Variants in GSTA1 observed in about 807,000 individuals in gnomAD.
GSTA1 encodes glutathione S-transferase alpha 1, also known as glutathione S-transferase A1.
Under a neutral mutation model 21.5 loss-of-function variants are expected in GSTA1, and 23 were observed. That is an observed-to-expected ratio of 1.07 (90% CI 0.77 to 1.52). The LOEUF (loss-of-function observed/expected upper bound fraction) is 1.52. GSTA1 is among the 40% of genes most tolerant of loss of function. GSTA1 has a pLI of 0.00. For missense variants in GSTA1, 301 were observed against 264.2 expected (o/e 1.14, Z -0.96); for synonymous variants, 125 against 90.0 (o/e 1.39, Z -2.20).
At position 52,794,266 on chromosome 6, in the gene GSTA1, C is replaced by T; in HGVS notation, c.273G>A (p.Leu91=). The part of the protein sequence containing the change: ...LYGKDIKERA[L]IDMYIEGIAD... ...CTATACCTTCTATATACATATCAAT[C>T]CTGAAAGACAGAAACAACCAAATGG... The change falls in exon 5 of 7, where the codon CTG becomes CTA. Residue 91 remains leucine (L), a splice_region_variant and synonymous_variant. Coordinates refer to ENST00000334575, the MANE Select transcript of GSTA1 (RefSeq NM_145740.5). 6.2e-7 allele frequency: 1 copy of T among 1,608,140 alleles called. No individual in the cohort carries two copies. The highest frequency in any genetic ancestry group is 8.5e-7 in the Non-Finnish European group (1 of 1,177,116).
Position 52,791,773 on chromosome 6 carries a change from C to A in GSTA1, c.*85G>T. On this transcript the variant is annotated 3_prime_UTR_variant, in exon 7 of 7. Coordinates refer to ENST00000334575, the MANE Select transcript of GSTA1 (RefSeq NM_145740.5). The stretch of plus-strand genomic sequence containing the variant: ...GAGTTCATTAGCTTCACAACAGGCA[C>A]AATCAACACTTAGGTAAAGTACTTT... 6.6e-7 allele frequency: 1 copy of A among 1,512,700 alleles called. No individual in the cohort carries two copies. The highest frequency in any genetic ancestry group is 9.1e-7 in the Non-Finnish European group (1 of 1,097,392). 93.7% of individuals were successfully genotyped at this position (1,512,700 alleles called of 1,614,324 possible). A position where few individuals can be genotyped will look rare whatever the true frequency, so the allele number is the denominator to read the frequency against.
chr6:52,799,625 A>C (rs1326970804), intron 1 of GSTA1, among the ~76,000 whole-genome samples: 3 of 152,222 alleles, frequency 2.0e-5, no homozygotes, highest in African/African-American at 4.8e-5. Context: ...AAAACTTCCT[A>C]GTGATCCTTC....
chr6:52,799,596 C>G (rs1049724363), intron 1 of GSTA1, among the ~76,000 whole-genome samples: 8 of 152,168 alleles, frequency 5.3e-5, no homozygotes, highest in Admixed American at 1.3e-4. Context: ...AGGAAGAATT[C>G]AAGAACTAAT....
chr6:52,800,663 G>T (rs1007310947), intron 1 of GSTA1, among the ~76,000 whole-genome samples: 4 of 152,144 alleles, frequency 2.6e-5, no homozygotes, highest in African/African-American at 9.7e-5. Flanking sequence ...AAAACCAGTG[G>T]CTGCAGGGAC....
At chr6:52,793,469 C>T (rs1289944698) in intron 5 of GSTA1, among the ~76,000 whole-genome samples, 2 of 152,154 alleles carry the variant, frequency 1.3e-5, no homozygotes, top group East Asian at 3.9e-4. Context: ...CTCCTCATTC[C>T]CTGCTCTATC....
intron 2 of GSTA1, 125 bp from the exon 3 acceptor site, chr6:52,797,762 A>C (rs1581796690): frequency 2.5e-6 from 2 of 811,228 alleles, no homozygotes; most frequent in Non-Finnish European, 4.1e-6. Context: ...GGGTACACAG[A>C]GGGGGCTGGT....
intron 1 of GSTA1, among the ~76,000 whole-genome samples, chr6:52,801,767 A>G (rs534790891): frequency 6.6e-6 from 1 of 152,290 alleles, no homozygotes. Context: ...CATAGTCAAT[A>G]TCTAGGGAGT....
chr6:52,795,618 T>C (rs889045212), intron 4 of GSTA1, among the ~76,000 whole-genome samples: 1 of 152,180 alleles, frequency 6.6e-6, no homozygotes, highest in Non-Finnish European at 1.5e-5. Context: ...TTGCTGGTAT[T>C]GAATCAATCT....
At chr6:52,793,283 C>T (rs1192297020) in intron 5 of GSTA1, among the ~76,000 whole-genome samples, 2 of 152,166 alleles carry the variant, frequency 1.3e-5, no homozygotes, top group East Asian at 1.9e-4. Context: ...TTAGCACCTG[C>T]CTCCATGTGT....
rs200586489 is a variant in GSTA1 at position 52,792,019 on chromosome 6, G to A, written c.547-39C>T. 43 of 1,611,716 alleles carry A rather than the reference G, an allele frequency of 2.7e-5. No homozygotes were observed. In the African/African-American group the frequency reaches 5.5e-4, roughly 21 times the overall value. ...AGCACAGCCTCAGAGTGAAGCCAAG[G>A]GCTGACACCACCATTAACATGACCC... On this transcript the variant is annotated intron_variant, in intron 6 of 6. Coordinates refer to ENST00000334575, the MANE Select transcript of GSTA1 (RefSeq NM_145740.5).
intron 3 of GSTA1, among the ~76,000 whole-genome samples, chr6:52,796,543 A>ATATATATTTTT (rs1300549721): frequency 2.1e-4 from 5 of 23,758 alleles, no homozygotes; most frequent in Non-Finnish European, 5.3e-4. Flanking sequence ...ATATATATAT[A>ATATATATTTTT]TTTTTTTTTT....
At chr6:52,802,376 A>T (rs1398834459) in intron 1 of GSTA1, among the ~76,000 whole-genome samples, 12 of 152,226 alleles carry the variant, frequency 7.9e-5, no homozygotes, top group Admixed American at 2.0e-4. Flanking sequence ...TAAATGCAGT[A>T]GGTTGTTTAA....
At chr6:52,799,395 A>G in intron 1 of GSTA1, 98 bp from the exon 2 acceptor site, 1 of 763,360 alleles carries the variant, frequency 1.3e-6, no homozygotes. Flanking sequence ...CTGAAGAAGA[A>G]CCTTCCTTCT....
chr6:52,792,956 A>G lies in GSTA1; in HGVS notation c.446T>C (p.Val149Ala), dbSNP rs771321790. The change falls in exon 6 of 7, where the codon GTT becomes GCT. Residue 149 changes from valine (V) to alanine (A), a missense_variant. Val to Ala is a moderately conservative substitution (Grantham distance 64). Coordinates refer to ENST00000334575, the MANE Select transcript of GSTA1 (RefSeq NM_145740.5). ...VLKSHGQDYL[V>A]GNKLSRADIH... ...GTCAGCCCGGCTCAGCTTGTTGCCA[A>G]CAAGGTAGTCTTGTCCATGGCTCTT... 8 of 1,614,078 alleles carry G rather than the reference A, an allele frequency of 5.0e-6. No homozygotes were observed. The highest frequency in any genetic ancestry group is 5.9e-6 in the Non-Finnish European group (7 of 1,179,994).
intron 3 of GSTA1, among the ~76,000 whole-genome samples, chr6:52,797,046 T>C (rs890619128): frequency 1.3e-5 from 2 of 152,162 alleles, no homozygotes; most frequent in Admixed American, 6.5e-5. Context: ...AAGATGCCAT[T>C]TAAAACAGGA....
chr6:52,795,638 G>T (rs1763558549), intron 4 of GSTA1, among the ~76,000 whole-genome samples: 1 of 152,128 alleles, frequency 6.6e-6, no homozygotes, highest in Non-Finnish European at 1.5e-5. Flanking sequence ...TGGCTGTTTT[G>T]TGCTTCTATC....
At chr6:52,797,660 C>A (rs146445663) in intron 2 of GSTA1, 23 bp from the exon 3 acceptor site, 2 of 1,588,082 alleles carry the variant, frequency 1.3e-6, no homozygotes, top group Non-Finnish European at 1.7e-6. Flanking sequence ...ACAGTAAATA[C>A]GTTCTTGTTA....
intron 1 of GSTA1, 76 bp downstream of exon 1, chr6:52,803,707 CAT>C (rs1763769137): frequency 1.1e-5 from 2 of 176,452 alleles, no homozygotes; most frequent in African/African-American, 4.7e-5. Context: ...GCTAAGGACA[CAT>C]ATTAGCATAT....
intron 4 of GSTA1, 32 bp downstream of exon 4, chr6:52,796,150 C>T (rs1238951377): frequency 1.9e-6 from 3 of 1,611,682 alleles, no homozygotes; most frequent in South Asian, 1.1e-5. Context: ...TCTGTGTTCT[C>T]TGTGGATGGA....
Sources: gnomAD v4.1 joint callset for allele counts (sites outside exome capture counted in the v4.1 genomes callset) on GRCh38, gnomAD v4.1.1 for gene constraint, MANE v1.5 for transcripts, NCBI Gene and HGNC (gene_info 2026-07-23, HGNC 2026-07-21) for gene names.